The following EGF variants were observed in gnomAD, a reference collection of about 807,000 sequenced individuals.
EGF encodes epidermal growth factor, also known as pro-epidermal growth factor.
A neutral mutation model predicts 143.8 loss-of-function variants in EGF; 95 were observed. That is an observed-to-expected ratio of 0.66 (90% CI 0.56 to 0.78). EGF has a LOEUF of 0.78. EGF is among the 30% of genes least tolerant of loss of function. The pLI is 0.00. For missense variants in EGF, 1,320 were observed against 1,470.9 expected (o/e 0.90, Z 1.68); for synonymous variants, 510 against 510.5 (o/e 1.00, Z 0.01).
rs200099199 is a variant in EGF, at chr4:109,959,423, G to A, written c.1052G>A (p.Arg351Gln). The change falls in exon 6 of 24, where the codon CGG (arginine) becomes CAG (glutamine). Residue 351 changes from arginine to glutamine, a missense_variant. Transcript: ENST00000265171. The stretch of plus-strand genomic sequence containing the variant: ...GAGGGATACGCCCTAAGTCGAGACC[G>A]GAAGTACTGTGAAGGTAATGACTGG... ...CAEGYALSRD[R>Q]KYCEDVNECA... The A allele has an allele frequency of 1.9e-5, 31 of 1,613,806 alleles. No homozygotes were observed. The African/African-American group carries it at 2.8e-4, about 15-fold the overall frequency.
chr4:109,916,978 G>A (rs1410620462), intron 1 of EGF, among the ~76,000 whole-genome samples: 1 of 152,052 alleles, frequency 6.6e-6, no homozygotes, highest in Non-Finnish European at 1.5e-5. Context: ...ATGTCAACTT[G>A]ATTTGAGTAA....
chr4:109,994,324 G>C (rs918846070), intron 19 of EGF, among the ~76,000 whole-genome samples: 1 of 152,170 alleles, frequency 6.6e-6, no homozygotes, highest in Admixed American at 6.5e-5. Context: ...GGAGGTAACG[G>C]ACTGCACATT....
Position 109,976,025 on chromosome 4 carries a change from A to G in EGF, c.1843A>G (p.Thr615Ala), listed in dbSNP as rs1296091229. ...VHPMAKRLFW[T>A]DTGINPRIES... ...TCTTGATTAAAGGAGATTATTCTGG[A>G]CTGATACAGGGATTAATCCACGAAT... Residue 615 changes from threonine to alanine, a missense_variant, in exon 13 of 24, where the codon ACT becomes GCT. By Grantham distance (58) the Thr-to-Ala change is moderately conservative. This residue lies in a region of EGF where 1,186 missense variants were observed against 1,313.7 expected (regional missense o/e 0.90). Transcript: ENST00000265171. 1.9e-6 allele frequency: 3 copies of G among 1,613,896 alleles called. No individual in the cohort carries two copies. The highest frequency in any genetic ancestry group is 2.2e-5 in the South Asian group (2 of 91,076).
In EGF at chr4:110,004,336, C is replaced by T; in HGVS notation, c.3174-169C>T. 5.6e-6 allele frequency: 4 copies of T among 715,356 alleles called. No homozygotes were observed. In the Admixed American group the frequency reaches 7.7e-5, roughly 14 times the overall value. The allele number at this position is 715,356 out of a possible 1,614,324, so 44.3% of individuals were successfully genotyped here. ...AGCATTTTGAGTTCTGCAGAAAAGA[C>T]TGCCTTAAACATCTAAAGTTATGTT... On this transcript the variant is annotated intron_variant, in intron 21 of 23. Transcript: ENST00000265171.
intron 1 of EGF, among the ~76,000 whole-genome samples, chr4:109,929,202 G>T (rs748142661): frequency 2.6e-5 from 4 of 152,080 alleles, no homozygotes; most frequent in Admixed American, 6.6e-5. Context: ...AGTATAGCTT[G>T]GTCTTTAAAA....
chr4:109,937,499 A>G (rs1404247850), intron 1 of EGF, among the ~76,000 whole-genome samples: 1 of 151,912 alleles, frequency 6.6e-6, no homozygotes. Context: ...CCAATTTGCC[A>G]GTCTGTGTCT....
rs150844110 is a variant in EGF at position 109,989,184 on chromosome 4, A to C, written c.2734+475A>C. ...CCTCTCACATTTCTTGATAAGTTCA[A>C]TAGGTGGGAGAGTCAAGCCACTGAC... On this transcript the variant is annotated intron_variant, in intron 18 of 23. Coordinates refer to ENST00000265171, the MANE Select transcript of EGF (RefSeq NM_001963.6). 3.0e-3 allele frequency among the ~76,000 whole-genome samples: 455 copies of C among 152,322 alleles called. 2 individuals are homozygous for C. Among genetic ancestry groups the C allele is most frequent in the African/African-American group, 0.011 (437 of 41,562 alleles).
intron 10 of EGF, among the ~76,000 whole-genome samples, chr4:109,966,512 A>G (rs1044750320): frequency 6.6e-5 from 10 of 152,232 alleles, no homozygotes; most frequent in Admixed American, 3.9e-4. Context: ...ATACAAGTGC[A>G]GGTGTCTTTT....
At chr4:109,936,565 T>C (rs546047238) in intron 1 of EGF, among the ~76,000 whole-genome samples, 39 of 152,298 alleles carry the variant, frequency 2.6e-4, no homozygotes, top group Middle Eastern at 3.4e-3. Context: ...CTGATCTTAG[T>C]TATTTCTTGT....
chr4:109,946,232 C>G (rs1327151344), intron 5 of EGF, among the ~76,000 whole-genome samples: 1 of 152,144 alleles, frequency 6.6e-6, no homozygotes, highest in Non-Finnish European at 1.5e-5. Flanking sequence ...TCAACTGATC[C>G]TTCTGTTTTC....
At chr4:109,973,763 C>A (rs190823876) in intron 11 of EGF, among the ~76,000 whole-genome samples, 2 of 152,216 alleles carry the variant, frequency 1.3e-5, no homozygotes, top group Admixed American at 1.3e-4. Context: ...ACTATTGTAT[C>A]TCCAATGCTT....
intron 1 of EGF, among the ~76,000 whole-genome samples, chr4:109,921,107 T>G (rs991764859): frequency 3.3e-5 from 5 of 151,660 alleles, no homozygotes; most frequent in African/African-American, 1.2e-4. Flanking sequence ...AATGTTTTAC[T>G]CTCTTGTTTT....
At position 109,918,255 on chromosome 4, in the gene EGF, G is replaced by GTTT. The variant is rs36009201; in HGVS notation, c.127+4807_127+4809dup. Among the ~76,000 whole-genome samples, 886 of 143,460 alleles carry GTTT rather than the reference G, an allele frequency of 6.2e-3. 9 individuals carry two copies. Among genetic ancestry groups the GTTT allele is most frequent in the African/African-American group, 0.019 (758 of 39,156 alleles). The allele number at this position is 143,460 out of a possible 152,430, so 94.1% of individuals were successfully genotyped here. ...TCCTTTCTCTTGATTGCTAGGTGTG[G>GTTT]TTTTTTTTTTTTTTTTAAATTTCAA... On this transcript the variant is annotated intron_variant, in intron 1 of 23. Transcript: ENST00000265171.
At position 109,961,007 on chromosome 4, in the gene EGF, G is replaced by A. The variant is rs1046932693; in HGVS notation, c.1189+18G>A. The A allele has an allele frequency of 6.2e-6, 10 of 1,613,058 alleles. No individual in the cohort carries two copies. In the African/African-American group the frequency reaches 1.1e-4, roughly 17 times the overall value. Reference sequence around the variant, plus strand: ...ATGTCATCGTAAGTTATAGCAACAAGTATTTATTGCATTAGTTTTCTTCAT... The same window carrying A: ...ATGTCATCGTAAGTTATAGCAACAAATATTTATTGCATTAGTTTTCTTCAT... On this transcript the variant is annotated intron_variant, in intron 7 of 23. Transcript: ENST00000265171.
rs531788850 is a variant in EGF at position 109,988,455 on chromosome 4, G to A, written c.2609-129G>A. Reference sequence around the variant, plus strand: ...TATGTCCAAGATGCAGGGCGTGCCTGATGTTGGCAACAGCACCTGTAAAGG... The same window carrying A: ...TATGTCCAAGATGCAGGGCGTGCCTAATGTTGGCAACAGCACCTGTAAAGG... On this transcript the variant is annotated intron_variant, in intron 17 of 23. Coordinates refer to ENST00000265171, the MANE Select transcript of EGF (RefSeq NM_001963.6). 80 of 1,370,844 alleles carry A rather than the reference G, an allele frequency of 5.8e-5. No individual in the cohort carries two copies. The African/African-American group carries it at 1.0e-3, about 18-fold the overall frequency. The allele number at this position is 1,370,844 out of a possible 1,614,324, so 84.9% of individuals were successfully genotyped here.
chr4:109,978,369 A>T (rs1190847166), intron 13 of EGF, among the ~76,000 whole-genome samples: 1 of 152,260 alleles, frequency 6.6e-6, no homozygotes, highest in African/African-American at 2.4e-5. Flanking sequence ...TAAACAAAAA[A>T]TAAGAAAGAT....
rs766804174 is a variant in EGF, at chr4:109,987,778, G to A, written c.2526G>A (p.Met842Ile). Reference protein sequence around the residue: ...QDDCAPVGCSMYARCISEGED... With the variant: ...QDDCAPVGCSIYARCISEGED... ...ACTGTGCTCCTGTGGGATGCAGCAT[G>A]TATGCTCGGTGTATTTCAGAGGGAG... is the stretch of plus-strand genomic sequence containing the variant. The change falls in exon 17 of 24, where the codon ATG becomes ATA. Residue 842 changes from methionine (M) to isoleucine (I), a missense_variant. This residue lies in a region of EGF where 1,186 missense variants were observed against 1,313.7 expected (regional missense o/e 0.90). Transcript: ENST00000265171. The A allele has an allele frequency of 1.2e-6, 2 of 1,613,862 alleles. No individual in the cohort carries two copies. The highest frequency in any genetic ancestry group is 1.3e-5 in the African/African-American group (1 of 74,914).
chr4:109,999,830 G>A lies in EGF; in HGVS notation c.3157G>A (p.Gly1053Arg). ...CATGCTGCTCCTCCTGAGCCTGTGG[G>A]GGGCCCACTACTACAGGTGACCCTG... ...LVMLLLLSLW[G>R]AHYYRTQKLL... The change falls in exon 21 of 24, where the codon GGG (glycine) becomes AGG (arginine). Residue 1053 changes from glycine to arginine, a missense_variant. This residue lies in a region of EGF where 1,186 missense variants were observed against 1,313.7 expected (regional missense o/e 0.90). Transcript: ENST00000265171. The A allele has an allele frequency of 1.2e-6, 2 of 1,613,498 alleles. No individual in the cohort carries two copies. The highest frequency in any genetic ancestry group is 1.1e-5 in the South Asian group (1 of 91,038).
intron 1 of EGF, among the ~76,000 whole-genome samples, chr4:109,936,686 C>T (rs28846451): frequency 6.6e-6 from 1 of 151,980 alleles, no homozygotes; most frequent in African/African-American, 2.4e-5. Flanking sequence ...TTAGTGTATA[C>T]ATTTCCGTAT....
Sources: allele counts gnomAD v4.1 joint callset (sites outside exome capture counted in the v4.1 genomes callset), GRCh38; gene constraint gnomAD v4.1.1; regional missense constraint gnomAD v4.1.1; transcripts MANE v1.5; gene names NCBI Gene and HGNC (gene_info 2026-07-23, HGNC 2026-07-21).